The following MXRA5 variants were observed in gnomAD, a reference collection of about 807,000 sequenced individuals.
The protein encoded by MXRA5 is matrix-remodeling-associated protein 5.
Under a neutral mutation model 112.5 loss-of-function variants are expected in MXRA5, and 41 were observed. The ratio of observed to expected loss-of-function variants is 0.36; its 90% CI spans 0.28 to 0.47. The LOEUF (loss-of-function observed/expected upper bound fraction) is 0.47, where lower values mean the gene tolerates loss of function less well. Among genes scored for constraint, MXRA5 ranks in the 20% least tolerant of loss-of-function variants. The pLI, the probability that MXRA5 is intolerant of heterozygous loss-of-function variation, is 0.99. For synonymous variants in MXRA5, 862 were observed against 900.8 expected (o/e 0.96, Z 0.77); for missense variants, 2,150 against 2,251.0 (o/e 0.96, Z 0.91).
rs974470737 is a variant in MXRA5, at chrX:3,309,991, C to T, written c.8212G>A (p.Glu2738Lys). ...VIAYPPRITS[E>K]PTPVIYTRPG... Reference sequence around the variant, plus strand: ...CGGGTGTAGATGACCGGGGTGGGCTCGCTGGTGATCCGGGGAGGATAGGCG... The same window carrying T: ...CGGGTGTAGATGACCGGGGTGGGCTTGCTGGTGATCCGGGGAGGATAGGCG... The change falls in exon 7 of 7, where the codon GAG becomes AAG. Residue 2738 changes from glutamate to lysine, a missense_variant. By Grantham distance (56) the Glu-to-Lys change is moderately conservative. Coordinates refer to ENST00000217939, the MANE Select transcript of MXRA5 (RefSeq NM_015419.4). 8.3e-7 allele frequency: 1 copy of T among 1,209,114 alleles called. No homozygotes were observed. The highest frequency in any genetic ancestry group is 3.0e-5 in the East Asian group (1 of 33,693).
At chrX:3,328,942 G>T in intron 4 of MXRA5, among the ~76,000 whole-genome samples, 1 of 100,108 alleles carries the variant, frequency 1.0e-5, no homozygotes, top group Non-Finnish European at 2.0e-5. Context: ...AGGAAGGAGC[G>T]AGGGAGGGAA....
intron 1 of MXRA5, among the ~76,000 whole-genome samples, chrX:3,345,414 C>T (rs1376852613): frequency 3.5e-5 from 4 of 113,097 alleles, no homozygotes; most frequent in Admixed American, 1.9e-4. Context: ...CCCGCCCCTG[C>T]CTGCGCGCCT....
chrX:3,309,724 C>T lies in MXRA5; in HGVS notation c.8479G>A (p.Val2827Ile), dbSNP rs745493018. 2.5e-6 allele frequency: 3 copies of T among 1,206,479 alleles called. No individual in the cohort carries two copies. In the Admixed American group the frequency reaches 6.5e-5, roughly 26 times the overall value. The change falls in exon 7 of 7, where the codon GTC (valine) becomes ATC (isoleucine). Residue 2827 changes from valine to isoleucine, a missense_variant. This residue lies in a region of MXRA5 where 178 missense variants were observed against 198.2 expected (regional missense o/e 0.90). Coordinates refer to ENST00000217939, the MANE Select transcript of MXRA5 (RefSeq NM_015419.4). ...ATTCTGGAATCCACATTTCAGAAGA[C>T]GTGGATGTAAGTTGTTTTGGAGTCA... ...GSDSKTTYIHVF is the reference protein window; with the variant it reads ...GSDSKTTYIHIF
At chrX:3,328,538 T>C (rs997844037) in intron 4 of MXRA5, among the ~76,000 whole-genome samples, 3 of 111,156 alleles carry the variant, frequency 2.7e-5, no homozygotes, top group African/African-American at 9.8e-5. Context: ...AAAAATGTTC[T>C]CACTGCTTTG....
intron 4 of MXRA5, among the ~76,000 whole-genome samples, chrX:3,325,543 T>C (rs949038091): frequency 9.5e-6 from 1 of 105,016 alleles, no homozygotes; most frequent in African/African-American, 3.4e-5. Flanking sequence ...AATACATATA[T>C]ATTTATATAA....
At position 3,322,305 on chromosome X, in the gene MXRA5, G is replaced by A. The variant is rs781665508; in HGVS notation, c.3380C>T (p.Thr1127Ile). The A allele has an allele frequency of 2.7e-5, 33 of 1,208,490 alleles. No homozygotes were observed. In the South Asian group the frequency reaches 5.0e-4, roughly 18 times the overall value. Residue 1127 changes from threonine to isoleucine, a missense_variant, in exon 5 of 7, where the codon ACA (threonine) becomes ATA (isoleucine). Thr to Ile is a moderately conservative substitution (Grantham distance 89, BLOSUM62 -1). Around this residue, in one of 6 missense-constraint regions of MXRA5, gnomAD observed 1,485 missense variants for 1,471.6 expected, o/e 1.01. Coordinates refer to ENST00000217939, the MANE Select transcript of MXRA5 (RefSeq NM_015419.4). The stretch of plus-strand genomic sequence containing the variant: ...TTTTTGCCTTGGTGTTGTTGTTGCT[G>A]TTGTGGTGTCTTTGTCTAGGAGGGT... ...VGTLLDKDTT[T>I]ATTTPRQKVA...
chrX:3,338,673 TAATG>T (rs1490954891), intron 2 of MXRA5, among the ~76,000 whole-genome samples: 3 of 110,627 alleles, frequency 2.7e-5, no homozygotes, highest in African/African-American at 9.9e-5. Flanking sequence ...CATCAATAGA[TAATG>T]ATAGAGATCA....
chrX:3,332,223 ACCT>A (rs1210221921), intron 2 of MXRA5, among the ~76,000 whole-genome samples: 3 of 109,143 alleles, frequency 2.7e-5, no homozygotes, highest in Non-Finnish European at 5.7e-5. Flanking sequence ...CTTTTCAAAG[ACCT>A]CCTTTCATAA....
chrX:3,338,716 G>A (rs2146931767), intron 2 of MXRA5, among the ~76,000 whole-genome samples: 1 of 111,029 alleles, frequency 9.0e-6, no homozygotes, highest in South Asian at 3.9e-4. Flanking sequence ...GCAGACAGAT[G>A]ATACATAGAT....
At position 3,321,847 on chromosome X, in the gene MXRA5, T is replaced by C; in HGVS notation, c.3838A>G (p.Arg1280Gly). Residue 1280 changes from arginine (R) to glycine (G), a missense_variant, in exon 5 of 7, where the codon AGA becomes GGA. Around this residue, in one of 6 missense-constraint regions of MXRA5, gnomAD observed 1,485 missense variants for 1,471.6 expected, o/e 1.01. Transcript: ENST00000217939. ...TPSSETILLP[R>G]TVSLKTEGPY... ...CCCTCAGTTTTCAGAGAAACAGTTC[T>C]AGGCAAAAGTATAGTTTCTGAACTG... The C allele has an allele frequency of 8.3e-7, 1 of 1,211,307 alleles. No homozygotes were observed. Among genetic ancestry groups the C allele is most frequent in the South Asian group, 1.8e-5 (1 of 56,854 alleles).
chrX:3,310,504 C>T lies in MXRA5; in HGVS notation c.7699G>A (p.Ala2567Thr), dbSNP rs374578747. ...GHTISLNCSA[A>T]GTPTPSLVWV... ...ACCAGGCTGGGTGTCGGGGTCCCCGCGGCAGAGCAGTTGAGGCTGATGGTG... is the reference window on the plus strand; with the variant it reads ...ACCAGGCTGGGTGTCGGGGTCCCCGTGGCAGAGCAGTTGAGGCTGATGGTG... Residue 2567 changes from alanine to threonine, a missense_variant, in exon 7 of 7, where the codon GCG becomes ACG. By Grantham distance (58) the Ala-to-Thr change is moderately conservative. Around this residue, in one of 6 missense-constraint regions of MXRA5, gnomAD observed 93 missense variants for 135.5 expected, o/e 0.69. Coordinates refer to ENST00000217939, the MANE Select transcript of MXRA5 (RefSeq NM_015419.4). The T allele has an allele frequency of 7.3e-5, 87 of 1,198,438 alleles. 2 individuals carry two copies. In the South Asian group the frequency reaches 1.0e-3, roughly 14 times the overall value.
chrX:3,325,817 AATAAATATATAATAATATATTTATTC>A (rs1390898850), intron 4 of MXRA5, among the ~76,000 whole-genome samples: 2 of 102,050 alleles, frequency 2.0e-5, no homozygotes, highest in Non-Finnish European at 3.9e-5. Context: ...TATATTTATA[AATAAATATATAATAATATATTTATTC>A]ATAAATAATT....
rs1922043884 is a variant in MXRA5 at position 3,343,785 on chromosome X, G to A, written c.49C>T (p.Leu17Phe). ...AGCGCCACTCGCGGATGGCCCCAAA[G>A]CAGGATCAGCACCACGGAGAGGGCC... ...WGALSVVLIL[L>F]WGHPRVALAC... Residue 17 changes from leucine to phenylalanine, a missense_variant, in exon 2 of 7, where the codon CTT becomes TTT. By Grantham distance (22) the Leu-to-Phe change is conservative. This residue lies in a region of MXRA5 where 386 missense variants were observed against 411.0 expected (regional missense o/e 0.94). Coordinates refer to ENST00000217939, the MANE Select transcript of MXRA5 (RefSeq NM_015419.4). 8.3e-7 allele frequency: 1 copy of A among 1,209,547 alleles called. No homozygotes were observed. The highest frequency in any genetic ancestry group is 2.2e-5 in the Admixed American group (1 of 45,705).
rs1330140216 is a variant in MXRA5, at chrX:3,325,557, ATATC to A, written c.710-586_710-583del. On this transcript the variant is annotated intron_variant, in intron 4 of 6. Transcript: ENST00000217939. ...TAATACATATATATTTATATAATATATATCTATCATGATATATAAACATATATTG... is the reference window on the plus strand; with the variant it reads ...TAATACATATATATTTATATAATATATATCATGATATATAAACATATATTG... Among the ~76,000 whole-genome samples, 18 of 104,985 alleles carry A rather than the reference ATATC, an allele frequency of 1.7e-4. 1 individual carries two copies. The highest frequency in any genetic ancestry group is 9.8e-4 in the Admixed American group (9 of 9,161). The allele number at this position is 104,985 out of a possible 115,157, so 91.2% of individuals were successfully genotyped here. A position where few individuals can be genotyped will look rare whatever the true frequency, so the allele number is the denominator to read the frequency against.
At position 3,324,661 on chromosome X, in the gene MXRA5, C is replaced by T; in HGVS notation, c.1024G>A (p.Val342Met). 8.3e-7 allele frequency: 1 copy of T among 1,210,718 alleles called. No individual in the cohort carries two copies. The highest frequency in any genetic ancestry group is 1.8e-5 in the South Asian group (1 of 56,894). ...LVCDIKKPMDVYKIHLNQTDP... is the reference protein window; with the variant it reads ...LVCDIKKPMDMYKIHLNQTDP... ...GTTTGGTTCAAGTGAATCTTGTACA[C>T]ATCCATTGGTTTCTTGATGTCACAG... is the stretch of plus-strand genomic sequence containing the variant. The change falls in exon 5 of 7, where the codon GTG (valine) becomes ATG (methionine). Residue 342 changes from valine (V) to methionine (M), a missense_variant. Val to Met is a conservative substitution (Grantham distance 21). Transcript: ENST00000217939.
In MXRA5 at chrX:3,330,419, AG is replaced by A. The variant is rs1921637675; in HGVS notation, c.319-12del. ...GCTGAACTTGAAAACCTGCAAGGACAGGGGAAAACAAAACAAAACAAAAGGA... is the reference window on the plus strand; with the variant it reads ...GCTGAACTTGAAAACCTGCAAGGACAGGGAAAACAAAACAAAACAAAAGGA... On this transcript the variant is annotated splice_polypyrimidine_tract_variant and intron_variant, in intron 3 of 6. Coordinates refer to ENST00000217939, the MANE Select transcript of MXRA5 (RefSeq NM_015419.4). 3 of 1,173,955 alleles carry A rather than the reference AG, an allele frequency of 2.6e-6. No individual in the cohort carries two copies. In the Admixed American group the frequency reaches 7.8e-5, roughly 31 times the overall value.
At chrX:3,333,981 GTC>G (rs760918696) in intron 2 of MXRA5, among the ~76,000 whole-genome samples, 8 of 108,475 alleles carry the variant, frequency 7.4e-5, no homozygotes, top group South Asian at 4.0e-4. Flanking sequence ...GCATAGAAAG[GTC>G]TCTCTCTCTC....
chrX:3,320,485 T>A lies in MXRA5; in HGVS notation c.5200A>T (p.Thr1734Ser), dbSNP rs1921267982. ...TGTGGAAAAGAAAGAGTCTTGTTGG[T>A]AAAGAAAGGGAGTCTTCCATTGGAA... ...HYSNGRLPFF[T>S]NKTLSFPQLG... The change falls in exon 5 of 7, where the codon ACC (threonine) becomes TCC (serine). Residue 1734 changes from threonine to serine, a missense_variant. Physicochemically the swap from Thr to Ser is moderately conservative, Grantham distance 58. Transcript: ENST00000217939. 8.3e-7 allele frequency: 1 copy of A among 1,211,140 alleles called. No individual in the cohort carries two copies. The highest frequency in any genetic ancestry group is 1.1e-6 in the Non-Finnish European group (1 of 895,069).
rs774060125 is a variant in MXRA5 at position 3,320,995 on chromosome X, C to G, written c.4690G>C (p.Asp1564His). ...GTAGACAAGTTAAATGCATCCTGGT[C>G]GGAAGAGGGTGTTGATAATTCATTT... The part of the protein sequence containing the change: ...GPNELSTPSS[D>H]QDAFNLSTKL... The change falls in exon 5 of 7, where the codon GAC becomes CAC. Residue 1564 changes from aspartate (D) to histidine (H), a missense_variant. Around this residue, in one of 6 missense-constraint regions of MXRA5, gnomAD observed 1,485 missense variants for 1,471.6 expected, o/e 1.01. Transcript: ENST00000217939. 1.7e-6 allele frequency: 2 copies of G among 1,211,779 alleles called. No homozygotes were observed. Among genetic ancestry groups the G allele is most frequent in the Non-Finnish European group, 1.1e-6 (1 of 895,479 alleles).
Sources: gnomAD v4.1 joint callset for allele counts (sites outside exome capture counted in the v4.1 genomes callset) on GRCh38, gnomAD v4.1.1 for gene constraint, gnomAD v4.1.1 regional missense constraint, MANE v1.5 for transcripts, NCBI Gene and HGNC (gene_info 2026-07-23, HGNC 2026-07-21) for gene names.